The following TAX1BP1 variants were observed in gnomAD, a reference collection of about 807,000 sequenced individuals.
The protein encoded by TAX1BP1 is tax1-binding protein 1.
In TAX1BP1, 62 loss-of-function variants were observed where a neutral mutation model predicts 97.7. The ratio of observed to expected loss-of-function variants is 0.63; its 90% CI spans 0.52 to 0.78. The LOEUF (loss-of-function observed/expected upper bound fraction) is 0.78, where lower values mean the gene tolerates loss of function less well. Ranked by LOEUF, TAX1BP1 falls within the 30% of genes least tolerant of loss-of-function variation. The pLI is 0.00. For synonymous variants in TAX1BP1, 340 were observed against 304.2 expected, an observed-to-expected ratio of 1.12 and a Z score of -1.23; for missense variants, 867 against 916.1, an observed-to-expected ratio of 0.95 and a Z score of 0.69.
At chr7:27,795,006 A>G (rs964196443) in intron 11 of TAX1BP1, among the ~76,000 whole-genome samples, 1 of 152,240 alleles carries the variant, frequency 6.6e-6, no homozygotes, top group Non-Finnish European at 1.5e-5. Flanking sequence ...TAGTGAGAAC[A>G]TTAATAACAT....
chr7:27,786,588 G>A (rs1368369968), intron 7 of TAX1BP1, among the ~76,000 whole-genome samples: 2 of 152,074 alleles, frequency 1.3e-5, no homozygotes, highest in African/African-American at 2.4e-5. Flanking sequence ...AGTTAAGTCC[G>A]TTTCTTGTTA....
At position 27,796,136 on chromosome 7, in the gene TAX1BP1, G is replaced by A. The variant is rs1186479450; in HGVS notation, c.1555G>A (p.Val519Ile). ...PSAAEADFDI[V>I]TKGQVCEMTK... is the part of the protein sequence containing the mutation. The stretch of plus-strand genomic sequence containing the variant: ...TACAGCAGAGGCAGATTTTGACATA[G>A]TAACAAAGGGGCAAGTCTGTGAAAT... The change falls in exon 12 of 17, where the codon GTA (valine) becomes ATA (isoleucine). Residue 519 changes from valine (V) to isoleucine (I), a missense_variant. Around this residue, in one of 3 missense-constraint regions of TAX1BP1, gnomAD observed 822 missense variants for 851.4 expected, o/e 0.97. Coordinates refer to ENST00000396319, the MANE Select transcript of TAX1BP1 (RefSeq NM_006024.7). 1 of 1,606,042 alleles carries A rather than the reference G, an allele frequency of 6.2e-7. No individual in the cohort carries two copies. The highest frequency in any genetic ancestry group is 1.3e-5 in the African/African-American group (1 of 74,418).
chr7:27,780,734 C>T (rs1789222768), intron 5 of TAX1BP1, among the ~76,000 whole-genome samples: 1 of 152,072 alleles, frequency 6.6e-6, no homozygotes, highest in South Asian at 2.1e-4. Context: ...CTTATGTATA[C>T]ATAGCAATAT....
At chr7:27,806,288 G>A (rs778447786) in intron 13 of TAX1BP1, among the ~76,000 whole-genome samples, 31 of 151,788 alleles carry the variant, frequency 2.0e-4, no homozygotes, top group Middle Eastern at 3.4e-3. Context: ...GTTTTGCCAT[G>A]TTGGCTAGGC....
At chr7:27,795,773 C>T (rs1393228841) in intron 11 of TAX1BP1, among the ~76,000 whole-genome samples, 4 of 152,090 alleles carry the variant, frequency 2.6e-5, no homozygotes, top group Non-Finnish European at 5.9e-5. Context: ...AGGATGGTCT[C>T]GATCTCCTGC....
chr7:27,757,425 G>A (rs1039698007), intron 2 of TAX1BP1, among the ~76,000 whole-genome samples: 1 of 152,058 alleles, frequency 6.6e-6, no homozygotes, highest in Admixed American at 6.6e-5. Context: ...ACTTGCCAAA[G>A]ATGAGAGATT....
intron 1 of TAX1BP1, among the ~76,000 whole-genome samples, chr7:27,742,293 T>C (rs1031528488): frequency 6.6e-6 from 1 of 152,216 alleles, no homozygotes; most frequent in African/African-American, 2.4e-5. Context: ...GGACAATACC[T>C]GGCTTTCCTA....
intron 13 of TAX1BP1, among the ~76,000 whole-genome samples, chr7:27,815,973 G>T (rs550588676): frequency 4.6e-5 from 7 of 152,258 alleles, no homozygotes; most frequent in African/African-American, 1.7e-4. Flanking sequence ...GGTGGAGGTT[G>T]CAGTGAGCCA....
At chr7:27,804,657 T>C (rs765062032) in intron 13 of TAX1BP1, among the ~76,000 whole-genome samples, 2 of 152,232 alleles carry the variant, frequency 1.3e-5, no homozygotes, top group African/African-American at 2.4e-5. Flanking sequence ...AAAACTATTA[T>C]GTACCATTAA....
At chr7:27,788,934 A>G (rs1477562651) in intron 8 of TAX1BP1, among the ~76,000 whole-genome samples, 1 of 151,958 alleles carries the variant, frequency 6.6e-6, no homozygotes, top group Non-Finnish European at 1.5e-5. Context: ...ATTTATATTG[A>G]TAGCTCCAAT....
At chr7:27,796,382 G>C (rs1298007148) in intron 12 of TAX1BP1, among the ~76,000 whole-genome samples, 163 bp downstream of exon 12, 1 of 152,146 alleles carries the variant, frequency 6.6e-6, no homozygotes, top group African/African-American at 2.4e-5. Flanking sequence ...GGCGTTTTGT[G>C]TACCTGTTCA....
chr7:27,746,005 AG>A (rs1787801260), intron 1 of TAX1BP1, among the ~76,000 whole-genome samples: 1 of 152,086 alleles, frequency 6.6e-6, no homozygotes, highest in African/African-American at 2.4e-5. Context: ...TAAAAGTATA[AG>A]GTTGGATTGT....
chr7:27,746,316 G>A (rs1328226195), intron 1 of TAX1BP1, among the ~76,000 whole-genome samples: 2 of 148,186 alleles, frequency 1.3e-5, no homozygotes, highest in Non-Finnish European at 3.0e-5. Flanking sequence ...TCTAATAGAT[G>A]TTGGTTCTGT....
rs555564241 is a variant in TAX1BP1, at chr7:27,770,712, A to C, written c.612+878A>C. On this transcript the variant is annotated intron_variant, in intron 5 of 16. Coordinates refer to ENST00000396319, the MANE Select transcript of TAX1BP1 (RefSeq NM_006024.7). ...CCAGTGGAGTGGTTATATATTGCAC[A>C]CCTGGGCAGAGATGTTATACAAGTA... Among the ~76,000 whole-genome samples, 6 of 152,242 alleles carry C rather than the reference A, an allele frequency of 3.9e-5. No homozygotes were observed. The East Asian group carries it at 1.2e-3, about 29-fold the overall frequency.
intron 5 of TAX1BP1, among the ~76,000 whole-genome samples, chr7:27,780,537 A>G (rs147036071): frequency 6.6e-6 from 1 of 152,194 alleles, no homozygotes; most frequent in African/African-American, 2.4e-5. Context: ...TGTTATTGTT[A>G]TCATAGCATT....
chr7:27,792,299 T>C, intron 9 of TAX1BP1, 69 bp downstream of exon 9: 2 of 1,379,918 alleles, frequency 1.4e-6, no homozygotes, highest in East Asian at 2.5e-5. Context: ...AAGTAGTAAA[T>C]TGTGTTAAGA....
chr7:27,795,247 A>G (rs1789875657), intron 11 of TAX1BP1, among the ~76,000 whole-genome samples: 1 of 152,130 alleles, frequency 6.6e-6, no homozygotes, highest in Non-Finnish European at 1.5e-5. Flanking sequence ...GTAGTACCTA[A>G]AATGGTGTTA....
intron 5 of TAX1BP1, among the ~76,000 whole-genome samples, chr7:27,782,944 T>C (rs1789318411): frequency 6.6e-6 from 1 of 152,212 alleles, no homozygotes; most frequent in South Asian, 2.1e-4. Flanking sequence ...TTTTAAAATG[T>C]GTTTAGCCAC....
Position 27,748,556 on chromosome 7 carries a change from C to T in TAX1BP1, c.32C>T (p.Thr11Ile). 6.2e-7 allele frequency: 1 copy of T among 1,601,746 alleles called. No individual in the cohort carries two copies. The highest frequency in any genetic ancestry group is 8.5e-7 in the Non-Finnish European group (1 of 1,173,192). MTSFQEVPLQ[T>I]SNFAHVIFQN... ...TCCTTTCAAGAAGTCCCATTGCAGA[C>T]TTCCAACTTTGCCCATGTCATCTTT... The change falls in exon 2 of 17, where the codon ACT becomes ATT. Residue 11 changes from threonine (T) to isoleucine (I), a missense_variant. Physicochemically the swap from Thr to Ile is moderately conservative, Grantham distance 89. Transcript: ENST00000396319.
Sources: allele counts gnomAD v4.1 joint callset (sites outside exome capture counted in the v4.1 genomes callset), GRCh38; gene constraint gnomAD v4.1.1; regional missense constraint gnomAD v4.1.1; transcripts MANE v1.5; gene names NCBI Gene and HGNC (gene_info 2026-07-23, HGNC 2026-07-21).